Variants in CFAP20DC observed in about 807,000 individuals in gnomAD.
CFAP20DC encodes the protein protein CFAP20DC.
A neutral mutation model predicts 101.7 loss-of-function variants in CFAP20DC; 84 were observed. The observed-to-expected ratio is 0.83, with a 90% CI of 0.69 to 0.99. The LOEUF is 0.99. Among genes scored for constraint, CFAP20DC ranks in the 50% least tolerant of loss-of-function variants. The probability of loss-of-function intolerance (pLI) is 0.00; values close to 1 mark genes in which losing one functional copy is unlikely to be tolerated. For synonymous variants in CFAP20DC, 359 were observed against 351.2 expected (o/e 1.02, Z -0.25); for missense variants, 1,007 against 970.3 (o/e 1.04, Z -0.50).
chr3:58,982,315 G>A (rs1177029963), intron 4 of CFAP20DC, among the ~76,000 whole-genome samples: 2 of 152,152 alleles, frequency 1.3e-5, no homozygotes, highest in Non-Finnish European at 2.9e-5. Context: ...ATTCCTCAGG[G>A]ATCTAGAACT....
At chr3:59,047,628 T>C (rs2109327782) in intron 1 of CFAP20DC, among the ~76,000 whole-genome samples, 1 of 152,368 alleles carries the variant, frequency 6.6e-6, no homozygotes, top group Non-Finnish European at 1.5e-5. Flanking sequence ...AACGCAATTC[T>C]TGAATCAGGC....
At position 58,717,656 on chromosome 3, in the gene CFAP20DC, G is replaced by GA. The variant is rs76107999; in HGVS notation, c.198-29dup. 22,926 of 308,740 alleles carry GA rather than the reference G, an allele frequency of 0.074. 11 individuals carry two copies. Among genetic ancestry groups the GA allele is most frequent in the South Asian group, 0.11 (4,138 of 37,560 alleles). The allele number at this position is 308,740 out of a possible 1,614,324, so 19.1% of individuals were successfully genotyped here. A position where few individuals can be genotyped will look rare whatever the true frequency, so the allele number is the denominator to read the frequency against. Reference sequence around the variant, plus strand: ...GCATTTCAGGTAGGAGAAGAGAGAAGAAAAAAAAAAAAGAAAAAAGGTACA... The same window carrying GA: ...GCATTTCAGGTAGGAGAAGAGAGAAGAAAAAAAAAAAAAGAAAAAAGGTACA... On this transcript the variant is annotated intron_variant, in intron 3 of 3. Coordinates refer to the CFAP20DC transcript ENST00000486145. This position sits in a 1 kb window ranked among gnomAD's most constrained non-coding sequence, Gnocchi z 4.1.
chr3:58,798,223 A>C (rs1007484992), intron 15 of CFAP20DC, among the ~76,000 whole-genome samples: 2 of 152,192 alleles, frequency 1.3e-5, no homozygotes, highest in African/African-American at 4.8e-5. Flanking sequence ...AACTTTCTGG[A>C]AAGAATTCAC....
intron 14 of CFAP20DC, among the ~76,000 whole-genome samples, chr3:58,829,064 T>A (rs2076226307): frequency 6.6e-6 from 1 of 152,094 alleles, no homozygotes; most frequent in African/African-American, 2.4e-5. Context: ...CCGGGCATGG[T>A]GGCTCACCTG....
At chr3:58,779,048 GA>G (rs1303401294) in intron 15 of CFAP20DC, among the ~76,000 whole-genome samples, 1 of 152,026 alleles carries the variant, frequency 6.6e-6, no homozygotes, top group Non-Finnish European at 1.5e-5. Context: ...TCAGGATCCA[GA>G]AAACATAAAA....
At chr3:58,929,010 A>T (rs1374635456) in intron 5 of CFAP20DC, among the ~76,000 whole-genome samples, 2 of 152,202 alleles carry the variant, frequency 1.3e-5, no homozygotes, top group Non-Finnish European at 2.9e-5. Context: ...ACTTTGCTCC[A>T]CAGTACCTAT....
At chr3:58,789,079 C>A (rs1427191257) in intron 15 of CFAP20DC, among the ~76,000 whole-genome samples, 4 of 152,112 alleles carry the variant, frequency 2.6e-5, no homozygotes, top group Non-Finnish European at 5.9e-5. Context: ...ACAGTAATAG[C>A]ATTAGTAGTT....
intron 5 of CFAP20DC, among the ~76,000 whole-genome samples, chr3:58,922,833 G>T (rs915081590): frequency 2.6e-5 from 4 of 151,566 alleles, no homozygotes; most frequent in Admixed American, 6.6e-5. Context: ...TTTCATTAGG[G>T]TTTGCAATGT....
chr3:58,995,636 GTT>G (rs2093095313), intron 4 of CFAP20DC, among the ~76,000 whole-genome samples: 1 of 152,116 alleles, frequency 6.6e-6, no homozygotes, highest in Admixed American at 6.6e-5. Flanking sequence ...CTGTGAAGGT[GTT>G]TTTGGCCGAG....
rs774625835 is a variant in CFAP20DC at position 59,009,128 on chromosome 3, C to G, written c.278+30429G>C. Among the ~76,000 whole-genome samples the G allele has an allele frequency of 2.5e-4, 38 of 152,202 alleles. No individual in the cohort carries two copies. In the Middle Eastern group the frequency reaches 0.024, roughly 95 times the overall value. ...ATTAGGCTAAAATAAACATCAAAGTCTGGTCCTTAGGAGAGGAAAAAAGAA... is the reference window on the plus strand; with the variant it reads ...ATTAGGCTAAAATAAACATCAAAGTGTGGTCCTTAGGAGAGGAAAAAAGAA... On this transcript the variant is annotated intron_variant, in intron 4 of 16. Transcript: ENST00000482387.
chr3:58,811,224 C>G (rs1295810017), intron 14 of CFAP20DC, among the ~76,000 whole-genome samples: 1 of 151,974 alleles, frequency 6.6e-6, no homozygotes, highest in Non-Finnish European at 1.5e-5. Context: ...CATACGGAAC[C>G]AAAAAAGAGC....
chr3:59,029,638 C>T (rs1023793728), intron 4 of CFAP20DC, among the ~76,000 whole-genome samples: 2 of 152,054 alleles, frequency 1.3e-5, no homozygotes, highest in Non-Finnish European at 2.9e-5. Context: ...CCCAGGAGTA[C>T]TGTGAATTGG....
chr3:59,013,421 G>T (rs1322832039), intron 4 of CFAP20DC, among the ~76,000 whole-genome samples: 1 of 152,120 alleles, frequency 6.6e-6, no homozygotes, highest in African/African-American at 2.4e-5. Context: ...TTAGATACAT[G>T]TCTGCTACTT....
chr3:59,020,778 C>T (rs1248215604), intron 4 of CFAP20DC, among the ~76,000 whole-genome samples: 1 of 152,070 alleles, frequency 6.6e-6, no homozygotes, highest in Non-Finnish European at 1.5e-5. Flanking sequence ...TCTGCTCTCA[C>T]CTTATGGACA....
At chr3:59,004,621 G>C in intron 4 of CFAP20DC, among the ~76,000 whole-genome samples, 1 of 152,248 alleles carries the variant, frequency 6.6e-6, no homozygotes, top group Admixed American at 6.5e-5. Flanking sequence ...ATTAGAAGTC[G>C]TCATTAAAAA....
At chr3:58,763,918 C>G (rs970885722) in intron 15 of CFAP20DC, among the ~76,000 whole-genome samples, 5 of 152,180 alleles carry the variant, frequency 3.3e-5, no homozygotes, top group Admixed American at 1.3e-4. Context: ...CAGAGGCATA[C>G]CTGGCCATGT....
chr3:58,833,630 G>A (rs2076545211), intron 13 of CFAP20DC, among the ~76,000 whole-genome samples: 1 of 152,158 alleles, frequency 6.6e-6, no homozygotes, highest in Non-Finnish European at 1.5e-5. Flanking sequence ...CAGAAAAGTA[G>A]AATGTTGCAG....
chr3:58,936,256 T>C (rs1487171368), intron 5 of CFAP20DC, among the ~76,000 whole-genome samples: 1 of 152,046 alleles, frequency 6.6e-6, no homozygotes, highest in Non-Finnish European at 1.5e-5. Flanking sequence ...ATGGCAATCA[T>C]TAAAAAGTCA....
chr3:59,035,598 G>A (rs2094085225), intron 4 of CFAP20DC, among the ~76,000 whole-genome samples: 1 of 152,148 alleles, frequency 6.6e-6, no homozygotes, highest in South Asian at 2.1e-4. Context: ...AAATCTAGAA[G>A]AAATGGATAA....
Sources: gnomAD v4.1 joint callset for allele counts (sites outside exome capture counted in the v4.1 genomes callset) on GRCh38, gnomAD v4.1.1 for gene constraint, Gnocchi (gnomAD v3.1) non-coding constraint, MANE v1.5 for transcripts, NCBI Gene and HGNC (gene_info 2026-07-23, HGNC 2026-07-21) for gene names.